Variants in CPSF7 observed in about 807,000 individuals in gnomAD.
CPSF7 encodes the protein cleavage and polyadenylation specificity factor subunit 7.
Under a neutral mutation model 44.3 loss-of-function variants are expected in CPSF7, and 1 was observed. The observed-to-expected ratio is 0.02, with a 90% CI of 0.01 to 0.11. The LOEUF (loss-of-function observed/expected upper bound fraction) is 0.11. CPSF7 is among the 10% of genes least tolerant of loss of function. CPSF7 has a pLI of 1.00. For missense variants in CPSF7, 443 were observed against 607.2 expected (o/e 0.73, Z 2.84); for synonymous variants, 202 against 222.0 (o/e 0.91, Z 0.80).
intron 1 of CPSF7, chr11:61,429,502 G>A (rs901216548): frequency 1.9e-6 from 1 of 538,162 alleles, no homozygotes; most frequent in Non-Finnish European, 3.2e-6. Flanking sequence ...GCCCGACCCG[G>A]GTAGCGCCGC....
chr11:61,419,061 T>C (rs1434462070), intron 5 of CPSF7, among the ~76,000 whole-genome samples: 2 of 151,422 alleles, frequency 1.3e-5, no homozygotes, highest in East Asian at 3.9e-4. Context: ...CTTGCTCTGT[T>C]GCCCAGGCTG....
rs1859873096 is a variant in CPSF7 at position 61,411,817 on chromosome 11, C to A, written c.1178G>T (p.Gly393Val). Residue 393 changes from glycine (G) to valine (V), a missense_variant, in exon 8 of 10, where the codon GGC becomes GTC. Gly to Val is a moderately radical substitution (Grantham distance 109). Transcript: ENST00000439958. ...CACACTGTAGGACTTGGCTTCGATG[C>A]CATGAAGACAGTCCTTAAGAGAGGA... ...LISSLKDCLH[G>V]IEAKSYSVGA... 1 of 1,613,872 alleles carries A rather than the reference C, an allele frequency of 6.2e-7. No homozygotes were observed. Among genetic ancestry groups the A allele is most frequent in the Admixed American group, 1.7e-5 (1 of 60,022 alleles).
chr11:61,422,527 G>A (rs1304507012), intron 2 of CPSF7, among the ~76,000 whole-genome samples: 2 of 152,064 alleles, frequency 1.3e-5, no homozygotes, highest in African/African-American at 2.4e-5. Flanking sequence ...ATGTTGCCCA[G>A]GCTAGTCTGG....
intron 7 of CPSF7, 92 bp from the exon 8 acceptor site, chr11:61,412,029 G>A (rs1032314255): frequency 1.5e-5 from 17 of 1,131,740 alleles, no homozygotes; most frequent in Non-Finnish European, 2.2e-5. Flanking sequence ...CAAACCAAGA[G>A]TAGCTAGCCG....
intron 3 of CPSF7, chr11:61,421,083 A>G: frequency 4.4e-6 from 6 of 1,357,596 alleles, no homozygotes; most frequent in Non-Finnish European, 5.8e-6. Flanking sequence ...AATGACCACC[A>G]AGAGTTCAAG....
chr11:61,427,006 G>A (rs867099142), intron 2 of CPSF7: 6 of 105,964 alleles, frequency 5.7e-5, no homozygotes, highest in Admixed American at 3.0e-4. Flanking sequence ...CCAGCCTGGC[G>A]ACAAAGAGAG....
At chr11:61,417,613 C>G (rs941259155) in intron 5 of CPSF7, among the ~76,000 whole-genome samples, 1 of 152,208 alleles carries the variant, frequency 6.6e-6, no homozygotes, top group African/African-American at 2.4e-5. Context: ...ATTATGTTGA[C>G]AACCACCTAG....
In CPSF7 at chr11:61,403,033, G is replaced by C. The variant is rs1388327812; in HGVS notation, c.*1677C>G. 1 of 152,244 alleles carries C rather than the reference G, an allele frequency of 6.6e-6. No individual in the cohort carries two copies. The highest frequency in any genetic ancestry group is 1.9e-4 in the East Asian group (1 of 5,190). 9.4% of individuals were successfully genotyped at this position (152,244 alleles called of 1,614,324 possible). A position where few individuals can be genotyped will look rare whatever the true frequency, so the allele number is the denominator to read the frequency against. On this transcript the variant is annotated 3_prime_UTR_variant, in exon 10 of 10. Coordinates refer to ENST00000439958, the MANE Select transcript of CPSF7 (RefSeq NM_001142565.3). ...TCAATAAGCACATCACTTAACACTT[G>C]GCCAGTTGGGTGGGGTGCCATGTTC...
At chr11:61,412,111 G>C (rs1033869138) in intron 7 of CPSF7, among the ~76,000 whole-genome samples, 174 bp from the exon 8 acceptor site, 4 of 152,156 alleles carry the variant, frequency 2.6e-5, no homozygotes, top group African/African-American at 9.7e-5. Context: ...CTATATTCCA[G>C]CAGTTCGGAA....
intron 8 of CPSF7, 139 bp from the exon 9 acceptor site, chr11:61,411,244 C>T (rs1859825169): frequency 7.4e-6 from 6 of 809,036 alleles, no homozygotes. Flanking sequence ...AGGATTTTAG[C>T]TCTTTGAGGA....
chr11:61,416,657 C>CA (rs1860368449), intron 5 of CPSF7, 138 bp from the exon 6 acceptor site: 1 of 846,150 alleles, frequency 1.2e-6, no homozygotes, highest in African/African-American at 1.7e-5. Flanking sequence ...CATCTACTGC[C>CA]TTTTTTTTGG....
At chr11:61,410,867 G>A in intron 9 of CPSF7, 71 bp downstream of exon 9, 3 of 1,436,498 alleles carry the variant, frequency 2.1e-6, no homozygotes, top group Non-Finnish European at 2.8e-6. Context: ...TTTAAAGAGA[G>A]AGAATTCTTC....
At chr11:61,405,175 T>G (rs1419395617) in intron 9 of CPSF7, among the ~76,000 whole-genome samples, 3 of 152,128 alleles carry the variant, frequency 2.0e-5, no homozygotes, top group African/African-American at 7.2e-5. Context: ...AAAACAAGTA[T>G]GTACACAACC....
At chr11:61,427,413 G>GGC (rs1337527746) in intron 2 of CPSF7, 1 of 152,060 alleles carries the variant, frequency 6.6e-6, no homozygotes, top group African/African-American at 2.4e-5. Flanking sequence ...TCCCAACTTT[G>GGC]GGAGGCTAAG....
chr11:61,417,027 AG>A (rs1860398843), intron 5 of CPSF7, among the ~76,000 whole-genome samples: 2 of 152,240 alleles, frequency 1.3e-5, no homozygotes, highest in Middle Eastern at 3.4e-3. Flanking sequence ...AGGGAGTGGC[AG>A]GAACTGGATG....
chr11:61,418,717 C>T (rs1443274206), intron 5 of CPSF7, among the ~76,000 whole-genome samples: 1 of 149,316 alleles, frequency 6.7e-6, no homozygotes, highest in Non-Finnish European at 1.5e-5. Flanking sequence ...AGGTAACTTT[C>T]TTTTTTCTTT....
At position 61,416,361 on chromosome 11, in the gene CPSF7, G is replaced by C; in HGVS notation, c.682C>G (p.Leu228Val). The C allele has an allele frequency of 6.2e-7, 1 of 1,607,542 alleles. No homozygotes were observed. The highest frequency in any genetic ancestry group is 1.3e-5 in the African/African-American group (1 of 74,892). ...GGGGGTGGAATTGGTGGTGGGGGCA[G>C]ACCCATCAGGGGAAGGGCCGAAGGA... ...RPPSALPLMG[L>V]PPPPIPPPPP... Residue 228 changes from leucine (L) to valine (V), a missense_variant, in exon 6 of 10, where the codon CTG becomes GTG. Transcript: ENST00000439958.
chr11:61,416,371 G>A lies in CPSF7; in HGVS notation c.672C>T (p.Pro224=). The A allele has an allele frequency of 5.0e-6, 8 of 1,610,926 alleles. No homozygotes were observed. Among genetic ancestry groups the A allele is most frequent in the Non-Finnish European group, 6.8e-6 (8 of 1,178,176 alleles). The change falls in exon 6 of 10, where the codon CCC becomes CCT. Residue 224 remains proline, a synonymous_variant. Transcript: ENST00000439958. ...TTGGTGGTGGGGGCAGACCCATCAG[G>A]GGAAGGGCCGAAGGAGGACGATTGA... is the stretch of plus-strand genomic sequence containing the variant. ...PYFNRPPSAL[P]LMGLPPPPIP...
intron 8 of CPSF7, 86 bp downstream of exon 8, chr11:61,411,683 T>C: frequency 2.3e-6 from 3 of 1,277,430 alleles, no homozygotes; most frequent in Non-Finnish European, 3.3e-6. Flanking sequence ...CTTTCCCAGA[T>C]TCCCTGGGCT....
Sources: allele counts gnomAD v4.1 joint callset (sites outside exome capture counted in the v4.1 genomes callset), GRCh38; gene constraint gnomAD v4.1.1; transcripts MANE v1.5; gene names NCBI Gene and HGNC (gene_info 2026-07-23, HGNC 2026-07-21).